The following MALRD1 variants were observed in gnomAD, a reference collection of about 807,000 sequenced individuals.
MALRD1 encodes the protein MAM and LDL receptor class A domain containing 1.
Under a neutral mutation model 242.1 loss-of-function variants are expected in MALRD1, and 247 were observed. The observed-to-expected ratio is 1.02, with a 90% CI of 0.92 to 1.13. The LOEUF (loss-of-function observed/expected upper bound fraction) is 1.13. MALRD1 is among the 50% of genes most tolerant of loss of function. The pLI, the probability that MALRD1 is intolerant of heterozygous loss-of-function variation, is 0.00. For missense variants in MALRD1, 2,989 were observed against 2,533.1 expected (o/e 1.18, Z -3.86); for synonymous variants, 995 against 866.6 (o/e 1.15, Z -2.60).
chr10:19,511,810 A>G (rs577594925), intron 31 of MALRD1, among the ~76,000 whole-genome samples: 1 of 152,184 alleles, frequency 6.6e-6, no homozygotes, highest in Admixed American at 6.6e-5. Flanking sequence ...TGATTTTGGC[A>G]TTATCTCACC....
At chr10:19,300,089 A>T (rs185548985) in intron 21 of MALRD1, among the ~76,000 whole-genome samples, 2 of 152,094 alleles carry the variant, frequency 1.3e-5, no homozygotes, top group East Asian at 3.9e-4. Flanking sequence ...CCAAGCTGAG[A>T]GTCAAATCAA....
intron 14 of MALRD1, among the ~76,000 whole-genome samples, chr10:19,176,822 G>GTGTA (rs1554804535): frequency 9.9e-5 from 15 of 150,794 alleles, no homozygotes; most frequent in African/African-American, 3.2e-4. Flanking sequence ...CTGTGTGTCT[G>GTGTA]TGTGTGTGTG....
intron 31 of MALRD1, among the ~76,000 whole-genome samples, chr10:19,507,006 T>C (rs1833171967): frequency 6.6e-6 from 1 of 152,020 alleles, no homozygotes; most frequent in South Asian, 2.1e-4. Context: ...GGAAGCTTGC[T>C]ATTATGACAG....
intron 29 of MALRD1, among the ~76,000 whole-genome samples, chr10:19,483,455 C>CA (rs899018013): frequency 2.6e-5 from 4 of 151,890 alleles, no homozygotes; most frequent in East Asian, 3.9e-4. Flanking sequence ...AGTTGATAAG[C>CA]AAAAAAACCC....
chr10:19,535,512 T>C (rs1057086093), intron 32 of MALRD1, among the ~76,000 whole-genome samples: 1 of 149,956 alleles, frequency 6.7e-6, no homozygotes, highest in Non-Finnish European at 1.5e-5. Context: ...TATATACACA[T>C]ATATACATGT....
chr10:19,580,525 A>T (rs1265019155), intron 33 of MALRD1, among the ~76,000 whole-genome samples: 7 of 152,096 alleles, frequency 4.6e-5, no homozygotes, highest in Non-Finnish European at 8.8e-5. Flanking sequence ...CTCTTTTATT[A>T]GTGAGTAGCT....
chr10:19,138,525 A>G (rs1408151655), intron 10 of MALRD1, among the ~76,000 whole-genome samples: 2 of 149,984 alleles, frequency 1.3e-5, no homozygotes, highest in Non-Finnish European at 3.0e-5. Flanking sequence ...GGTTCAAGTG[A>G]TTCTCCTGTC....
intron 12 of MALRD1, among the ~76,000 whole-genome samples, chr10:19,161,729 G>A (rs184848193): frequency 9.9e-5 from 15 of 152,108 alleles, no homozygotes; most frequent in African/African-American, 3.6e-4. Flanking sequence ...GAGCTATTGA[G>A]CATTTAAAAC....
chr10:19,153,135 G>A (rs1018196262), intron 11 of MALRD1, among the ~76,000 whole-genome samples: 2 of 152,030 alleles, frequency 1.3e-5, no homozygotes, highest in African/African-American at 4.8e-5. Flanking sequence ...TATGGAGACC[G>A]AGCTCCTAAA....
chr10:19,073,440 A>C (rs1349717446), intron 2 of MALRD1, among the ~76,000 whole-genome samples: 1 of 152,104 alleles, frequency 6.6e-6, no homozygotes, highest in Non-Finnish European at 1.5e-5. Context: ...AAAATCTGAA[A>C]TCCAAAGTGC....
chr10:19,317,979 T>C (rs1478773806), intron 21 of MALRD1, among the ~76,000 whole-genome samples: 1 of 152,044 alleles, frequency 6.6e-6, no homozygotes, highest in East Asian at 1.9e-4. Flanking sequence ...ATATGTTTTA[T>C]TAGAAAAAGA....
At chr10:19,210,724 T>C (rs1428372946) in intron 18 of MALRD1, among the ~76,000 whole-genome samples, 1 of 152,130 alleles carries the variant, frequency 6.6e-6, no homozygotes, top group Non-Finnish European at 1.5e-5. Context: ...TAGATGTAGA[T>C]TGTACAGTGA....
chr10:19,267,080 AATAGTGAG>A (rs1451467166), intron 19 of MALRD1, among the ~76,000 whole-genome samples: 1 of 152,096 alleles, frequency 6.6e-6, no homozygotes, highest in African/African-American at 2.4e-5. Flanking sequence ...ACCAAGGATT[AATAGTGAG>A]ATAGCTAGTT....
chr10:19,444,738 A>G (rs888381821), intron 28 of MALRD1, among the ~76,000 whole-genome samples: 16 of 152,180 alleles, frequency 1.1e-4, no homozygotes, highest in Non-Finnish European at 2.1e-4. Flanking sequence ...GGCTGCCCTT[A>G]ACATTTTTTC....
intron 28 of MALRD1, among the ~76,000 whole-genome samples, chr10:19,422,187 T>C (rs1221020113): frequency 6.6e-6 from 1 of 152,224 alleles, no homozygotes; most frequent in African/African-American, 2.4e-5. Context: ...CATGTTGGCA[T>C]TACTAGTAGT....
At chr10:19,293,288 T>TACA (rs1841536677) in intron 21 of MALRD1, among the ~76,000 whole-genome samples, 1 of 147,724 alleles carries the variant, frequency 6.8e-6, no homozygotes, top group Admixed American at 6.7e-5. Flanking sequence ...ACATATATTT[T>TACA]TTTGCCAAGA....
chr10:19,111,004 C>G (rs560288637), intron 5 of MALRD1, among the ~76,000 whole-genome samples: 15 of 152,188 alleles, frequency 9.9e-5, no homozygotes, highest in African/African-American at 3.4e-4. Context: ...TTGGGTGATG[C>G]TTGGGAATTG....
chr10:19,319,360 T>C (rs1389775773), intron 21 of MALRD1, among the ~76,000 whole-genome samples: 3 of 152,108 alleles, frequency 2.0e-5, no homozygotes, highest in Non-Finnish European at 4.4e-5. Context: ...ACTAACTTAT[T>C]CAGTTCATTT....
chr10:19,255,637 T>C (rs1289910451), intron 18 of MALRD1, among the ~76,000 whole-genome samples: 1 of 152,096 alleles, frequency 6.6e-6, no homozygotes, highest in African/African-American at 2.4e-5. Flanking sequence ...TCTCAAATTG[T>C]AATTATTGTT....
Sources: gnomAD v4.1 joint callset for allele counts (sites outside exome capture counted in the v4.1 genomes callset) on GRCh38, gnomAD v4.1.1 for gene constraint, MANE v1.5 for transcripts, NCBI Gene and HGNC (gene_info 2026-07-23, HGNC 2026-07-21) for gene names.